TRAF6: variants seen among roughly 807,000 people sequenced by gnomAD.
TRAF6 encodes the protein TNF receptor-associated factor 6.
Under a neutral mutation model 48.4 loss-of-function variants are expected in TRAF6, and 10 were observed. That is an observed-to-expected ratio of 0.21 (90% CI 0.13 to 0.35). The LOEUF (loss-of-function observed/expected upper bound fraction) is 0.35. Ranked by LOEUF, TRAF6 falls within the 10% of genes least tolerant of loss-of-function variation. The pLI is 1.00. For missense variants in TRAF6, 397 were observed against 661.0 expected, an observed-to-expected ratio of 0.60 and a Z score of 4.38; for synonymous variants, 186 against 219.6, an observed-to-expected ratio of 0.85 and a Z score of 1.35.
chr11:36,498,384 A>G lies in TRAF6; in HGVS notation c.447+106T>C, dbSNP rs559715805. Reference sequence around the variant, plus strand: ...TTCAGCAAGAATTTATTAACCAATCATCATATGCTAGGTACTGGCAATACA... The same window carrying G: ...TTCAGCAAGAATTTATTAACCAATCGTCATATGCTAGGTACTGGCAATACA... On this transcript the variant is annotated intron_variant, in intron 3 of 6. Transcript: ENST00000526995. The G allele has an allele frequency of 1.1e-4, 106 of 958,204 alleles. 1 individual carries two copies. In the East Asian group the frequency reaches 2.9e-3, roughly 26 times the overall value. The allele number at this position is 958,204 out of a possible 1,614,324, so 59.4% of individuals were successfully genotyped here. A position where few individuals can be genotyped will look rare whatever the true frequency, so the allele number is the denominator to read the frequency against.
intron 2 of TRAF6, among the ~76,000 whole-genome samples, chr11:36,500,945 C>A (rs904108199): frequency 6.6e-6 from 1 of 152,032 alleles, no homozygotes; most frequent in Non-Finnish European, 1.5e-5. Context: ...CATAGAGTCA[C>A]TCCCCAGTCT....
intron 2 of TRAF6, 62 bp downstream of exon 2, chr11:36,501,158 G>T: frequency 2.1e-6 from 3 of 1,438,470 alleles, no homozygotes; most frequent in South Asian, 1.4e-5. Flanking sequence ...CATGTTCTAT[G>T]TAACAATGTT....
chr11:36,497,884 ATTTT>A (rs796280710), intron 3 of TRAF6, among the ~76,000 whole-genome samples: 6 of 137,938 alleles, frequency 4.3e-5, no homozygotes, highest in Non-Finnish European at 4.8e-5. Context: ...TGACACTTGT[ATTTT>A]TTTTTTTTTT....
chr11:36,501,260 C>A lies in TRAF6; in HGVS notation c.256G>T (p.Gly86Cys). ...ATGCAGGCTTTGCAGAACCTATGGCCGCATGGCGTTTGCACTGCTTCTCGT... is the reference window on the plus strand; with the variant it reads ...ATGCAGGCTTTGCAGAACCTATGGCAGCATGGCGTTTGCACTGCTTCTCGT... ...ALREAVQTPC[G>C]HRFCKACIIK... The change falls in exon 2 of 7, where the codon GGC (glycine) becomes TGC (cysteine). Residue 86 changes from glycine (G) to cysteine (C), a missense_variant. Coordinates refer to ENST00000526995, the MANE Select transcript of TRAF6 (RefSeq NM_004620.4). 1.2e-6 allele frequency: 2 copies of A among 1,612,126 alleles called. No individual in the cohort carries two copies. The highest frequency in any genetic ancestry group is 1.7e-6 in the Non-Finnish European group (2 of 1,179,646).
intron 2 of TRAF6, among the ~76,000 whole-genome samples, chr11:36,499,542 T>A (rs1338057446): frequency 6.6e-6 from 1 of 152,168 alleles, no homozygotes; most frequent in Non-Finnish European, 1.5e-5. Context: ...GGCATGGCAG[T>A]GAGCCGAGAT....
At chr11:36,500,010 T>C (rs1859694477) in intron 2 of TRAF6, among the ~76,000 whole-genome samples, 1 of 152,214 alleles carries the variant, frequency 6.6e-6, no homozygotes, top group Non-Finnish European at 1.5e-5. Context: ...AGTACTTTCA[T>C]TCAGTTAAAG....
At chr11:36,497,506 T>C (rs1363311924) in intron 3 of TRAF6, among the ~76,000 whole-genome samples, 1 of 152,190 alleles carries the variant, frequency 6.6e-6, no homozygotes, top group Non-Finnish European at 1.5e-5. Context: ...CAAAGAGTGT[T>C]GGAAAGAAGT....
chr11:36,497,342 C>T (rs1859654045), intron 3 of TRAF6, 76 bp from the exon 4 acceptor site: 1 of 1,382,278 alleles, frequency 7.2e-7, no homozygotes, highest in Non-Finnish European at 9.8e-7. Context: ...TAATCATATA[C>T]TGTTCTCTTT....
intron 1 of TRAF6, among the ~76,000 whole-genome samples, chr11:36,506,476 G>A (rs985775931): frequency 5.3e-5 from 8 of 152,008 alleles, no homozygotes; most frequent in African/African-American, 1.7e-4. Flanking sequence ...TTTGGTGTAG[G>A]ACATATATCC....
intron 2 of TRAF6, among the ~76,000 whole-genome samples, chr11:36,499,205 T>C (rs559838818): frequency 5.0e-4 from 76 of 152,308 alleles, no homozygotes; most frequent in Non-Finnish European, 7.9e-4. Flanking sequence ...GGTCCAATGT[T>C]ACAGAAAGTT....
intron 1 of TRAF6, among the ~76,000 whole-genome samples, chr11:36,509,787 G>A (rs563198793): frequency 6.6e-6 from 1 of 152,090 alleles, no homozygotes; most frequent in African/African-American, 2.4e-5. Flanking sequence ...GGAAGCGAGG[G>A]GCAGGGAACG....
chr11:36,490,514 G>C lies in TRAF6; in HGVS notation c.893C>G (p.Thr298Ser), dbSNP rs1165511778. The C allele has an allele frequency of 6.2e-7, 1 of 1,613,980 alleles. No individual in the cohort carries two copies. The highest frequency in any genetic ancestry group is 8.5e-7 in the Non-Finnish European group (1 of 1,180,040). Residue 298 changes from threonine to serine, a missense_variant, in exon 7 of 7, where the codon ACT becomes AGT. Thr to Ser is a moderately conservative substitution (Grantham distance 58). Coordinates refer to ENST00000526995, the MANE Select transcript of TRAF6 (RefSeq NM_004620.4). The surrounding 1 kb of genome is among the most constrained non-coding windows in gnomAD (Gnocchi z 6.4). ...YISEVRNFQE[T>S]IHQLEGRLVR... Reference sequence around the variant, plus strand: ...AAGGCGACCCTCTAACTGGTGAATAGTTTCCTGGAAATTCCGGACCTCTGA... The same window carrying C: ...AAGGCGACCCTCTAACTGGTGAATACTTTCCTGGAAATTCCGGACCTCTGA...
intron 2 of TRAF6, among the ~76,000 whole-genome samples, chr11:36,500,533 C>T (rs1413111444): frequency 6.6e-6 from 1 of 152,076 alleles, no homozygotes; most frequent in Non-Finnish European, 1.5e-5. Flanking sequence ...TCCCAGATAC[C>T]CTGCTACAAT....
chr11:36,493,934 TC>T (rs1859595555), intron 5 of TRAF6, among the ~76,000 whole-genome samples: 1 of 152,192 alleles, frequency 6.6e-6, no homozygotes, highest in African/African-American at 2.4e-5. Context: ...GTAAGGTATA[TC>T]AATAATGATC....
At position 36,490,582 on chromosome 11, in the gene TRAF6, C is replaced by T; in HGVS notation, c.825G>A (p.Gln275=). The T allele has an allele frequency of 1.2e-6, 2 of 1,614,130 alleles. No individual in the cohort carries two copies. The highest frequency in any genetic ancestry group is 1.7e-6 in the Non-Finnish European group (2 of 1,180,026). ...GTATAACGCTCAAACTATGAACAGC[C>T]TGGGCCAACATTCTCATGTGTGACT... The part of the protein sequence containing the change: ...NTQSHMRMLA[Q]AVHSLSVIPD... The change falls in exon 7 of 7, where the codon CAG becomes CAA. Residue 275 remains glutamine (Q), a synonymous_variant. Coordinates refer to ENST00000526995, the MANE Select transcript of TRAF6 (RefSeq NM_004620.4). The surrounding 1 kb of genome is among the most constrained non-coding windows in gnomAD (Gnocchi z 6.4).
At chr11:36,495,620 G>T (rs544998882) in intron 4 of TRAF6, among the ~76,000 whole-genome samples, 1 of 152,026 alleles carries the variant, frequency 6.6e-6, no homozygotes, top group Non-Finnish European at 1.5e-5. Context: ...CGGGCCGGGC[G>T]TGGTGGCTCA....
rs1422685522 is a variant in TRAF6, at chr11:36,484,989, C to T, written c.*4849G>A. Among the ~76,000 whole-genome samples, 1 of 152,102 alleles carries T rather than the reference C, an allele frequency of 6.6e-6. No individual in the cohort carries two copies. The highest frequency in any genetic ancestry group is 1.5e-5 in the Non-Finnish European group (1 of 68,024). On this transcript the variant is annotated 3_prime_UTR_variant, in exon 7 of 7. Coordinates refer to ENST00000526995, the MANE Select transcript of TRAF6 (RefSeq NM_004620.4). ...AGTTACAAAGCAAATGTCCCAAGTT[C>T]CCCCAAAGAACTTAAGACAAATTGA... is the stretch of plus-strand genomic sequence containing the variant.
At chr11:36,494,645 A>ATC (rs1041220873) in intron 5 of TRAF6, among the ~76,000 whole-genome samples, 21 of 151,612 alleles carry the variant, frequency 1.4e-4, no homozygotes, top group Admixed American at 2.6e-4. Context: ...ATATATATAT[A>ATC]TCTTAGTTTT....
In TRAF6 at chr11:36,484,300, T is replaced by C. The variant is rs1859450970; in HGVS notation, c.*5538A>G. Reference sequence around the variant, plus strand: ...TGATTTTCATTCTTTTCATGATTAGTGTTTCCCCACCCTTATCTTTGCATT... The same window carrying C: ...TGATTTTCATTCTTTTCATGATTAGCGTTTCCCCACCCTTATCTTTGCATT... On this transcript the variant is annotated 3_prime_UTR_variant, in exon 7 of 7. Coordinates refer to ENST00000526995, the MANE Select transcript of TRAF6 (RefSeq NM_004620.4). Among the ~76,000 whole-genome samples the C allele has an allele frequency of 6.6e-6, 1 of 152,222 alleles. No individual in the cohort carries two copies. The highest frequency in any genetic ancestry group is 1.5e-5 in the Non-Finnish European group (1 of 68,044).
Sources: allele counts gnomAD v4.1 joint callset (sites outside exome capture counted in the v4.1 genomes callset), GRCh38; gene constraint gnomAD v4.1.1; non-coding constraint Gnocchi (gnomAD v3.1); transcripts MANE v1.5; gene names NCBI Gene and HGNC (gene_info 2026-07-23, HGNC 2026-07-21).